NEGR1: variants seen among roughly 807,000 people sequenced by gnomAD.
NEGR1 encodes the protein neuronal growth regulator 1.
In NEGR1, 10 loss-of-function variants were observed where a neutral mutation model predicts 40.9. The observed-to-expected ratio is 0.24, with a 90% confidence interval of 0.15 to 0.42. The LOEUF (loss-of-function observed/expected upper bound fraction) is 0.42, where lower values mean the gene tolerates loss of function less well. NEGR1 is among the 10% of genes least tolerant of loss of function. The probability of loss-of-function intolerance (pLI) is 1.00; values close to 1 mark genes in which losing one functional copy is unlikely to be tolerated. For missense variants in NEGR1, 352 were observed against 438.9 expected, an observed-to-expected ratio of 0.80 and a Z score of 1.77; for synonymous variants, 185 against 166.8, an observed-to-expected ratio of 1.11 and a Z score of -0.84.
chr1:71,883,061 C>T (rs1053065238), intron 2 of NEGR1, among the ~76,000 whole-genome samples: 5 of 152,134 alleles, frequency 3.3e-5, no homozygotes, highest in African/African-American at 1.2e-4. Context: ...ATAATTTCCA[C>T]TTTATTGCTG....
intron 3 of NEGR1, among the ~76,000 whole-genome samples, chr1:71,727,978 T>TTTGGCGCAACAAAG (rs1170064145): frequency 2.0e-5 from 3 of 152,090 alleles, no homozygotes; most frequent in African/African-American, 4.8e-5. Flanking sequence ...GGCAACAAAG[T>TTTGGCGCAACAAAG]TTGGCATAAC....
At chr1:72,232,597 C>T (rs879153550) in intron 1 of NEGR1, among the ~76,000 whole-genome samples, 4 of 151,958 alleles carry the variant, frequency 2.6e-5, no homozygotes, top group Non-Finnish European at 5.9e-5. Context: ...ACAGGTTAAG[C>T]AATATTTTTT....
intron 6 of NEGR1, among the ~76,000 whole-genome samples, chr1:71,431,544 ATCC>A (rs1174593158): frequency 2.5e-4 from 25 of 99,086 alleles, no homozygotes; most frequent in Non-Finnish European, 9.9e-5. Context: ...TCATCCATCC[ATCC>A]ATCCATCCAT....
intron 4 of NEGR1, among the ~76,000 whole-genome samples, chr1:71,657,611 A>G (rs1377271427): frequency 6.6e-6 from 1 of 152,202 alleles, no homozygotes; most frequent in African/African-American, 2.4e-5. Context: ...GCAAGGAAAC[A>G]TTGGGGTCTG....
intron 1 of NEGR1, among the ~76,000 whole-genome samples, chr1:72,166,797 C>T (rs1353766688): frequency 6.6e-6 from 1 of 151,944 alleles, no homozygotes; most frequent in Admixed American, 6.6e-5. Flanking sequence ...AGCTTGACTG[C>T]ATTATTTTAA....
intron 3 of NEGR1, among the ~76,000 whole-genome samples, chr1:71,739,593 C>A (rs924375670): frequency 6.6e-6 from 1 of 151,706 alleles, no homozygotes; most frequent in South Asian, 2.1e-4. Context: ...CCTATTCTAT[C>A]TGTGTGCAAT....
intron 1 of NEGR1, among the ~76,000 whole-genome samples, chr1:71,980,142 G>A (rs1249544110): frequency 6.6e-6 from 1 of 152,088 alleles, no homozygotes; most frequent in Non-Finnish European, 1.5e-5. Flanking sequence ...GACAGAAATA[G>A]CCACAAGAGT....
At chr1:71,837,259 A>C (rs1407427223) in intron 2 of NEGR1, among the ~76,000 whole-genome samples, 2 of 152,082 alleles carry the variant, frequency 1.3e-5, no homozygotes, top group African/African-American at 4.8e-5. Context: ...GCCTGACACT[A>C]TTCTAGGCAT....
chr1:71,401,567 T>A lies in NEGR1; in HGVS notation c.*5879A>T, dbSNP rs1048630408. 1.3e-5 allele frequency: 2 copies of A among 152,248 alleles called. No homozygotes were observed. The highest frequency in any genetic ancestry group is 2.9e-5 in the Non-Finnish European group (2 of 68,046). 9.4% of individuals were successfully genotyped at this position (152,248 alleles called of 1,614,324 possible). ...ATTTCTAGAATTAGAATCTTTCTCTTGTTCTACTGTCCCAGCACAAACAGA... is the reference window on the plus strand; with the variant it reads ...ATTTCTAGAATTAGAATCTTTCTCTAGTTCTACTGTCCCAGCACAAACAGA... On this transcript the variant is annotated 3_prime_UTR_variant, in exon 7 of 7. Coordinates refer to ENST00000357731, the MANE Select transcript of NEGR1 (RefSeq NM_173808.3).
intron 6 of NEGR1, among the ~76,000 whole-genome samples, chr1:71,555,281 T>G (rs1054166164): frequency 9.2e-5 from 14 of 151,484 alleles, no homozygotes; most frequent in African/African-American, 3.1e-4. Flanking sequence ...TGGTAGTAGA[T>G]GCTTGGAGGT....
At chr1:71,634,808 G>C (rs373347228) in intron 4 of NEGR1, among the ~76,000 whole-genome samples, 1 of 151,976 alleles carries the variant, frequency 6.6e-6, no homozygotes, top group African/African-American at 2.4e-5. Flanking sequence ...TTCATAGAAG[G>C]GTCTTAGATA....
chr1:71,897,450 A>G (rs1229673190), intron 2 of NEGR1, among the ~76,000 whole-genome samples: 1 of 152,200 alleles, frequency 6.6e-6, no homozygotes, highest in Admixed American at 6.5e-5. Context: ...GCAAAAGGAG[A>G]AGTGTGAAAT....
chr1:71,983,284 A>C (rs1436787118), intron 1 of NEGR1, among the ~76,000 whole-genome samples: 1 of 152,154 alleles, frequency 6.6e-6, no homozygotes. Context: ...CAAATATAGC[A>C]TTTTAACTTC....
intron 2 of NEGR1, among the ~76,000 whole-genome samples, chr1:71,796,561 T>C (rs1206196777): frequency 6.6e-6 from 1 of 152,106 alleles, no homozygotes; most frequent in East Asian, 1.9e-4. Flanking sequence ...CCAAGGTTTT[T>C]TGTTTTGTTT....
At chr1:71,807,868 A>AAC (rs2101757540) in intron 2 of NEGR1, among the ~76,000 whole-genome samples, 1 of 152,188 alleles carries the variant, frequency 6.6e-6, no homozygotes, top group African/African-American at 2.4e-5. Flanking sequence ...TTTTTTATTT[A>AAC]CTTCTGTTTT....
intron 1 of NEGR1, among the ~76,000 whole-genome samples, chr1:72,258,477 C>G (rs1238433712): frequency 6.6e-6 from 1 of 151,826 alleles, no homozygotes; most frequent in Admixed American, 6.6e-5. Context: ...TTATCGCTGA[C>G]TTAGAGTGAA....
At chr1:71,559,449 C>G (rs2101478515) in intron 6 of NEGR1, among the ~76,000 whole-genome samples, 1 of 151,624 alleles carries the variant, frequency 6.6e-6, no homozygotes, top group Admixed American at 6.6e-5. Context: ...TTCTCAGAGT[C>G]TGCATTCCAT....
At chr1:71,541,426 A>G (rs979720978) in intron 6 of NEGR1, among the ~76,000 whole-genome samples, 1 of 151,742 alleles carries the variant, frequency 6.6e-6, no homozygotes, top group African/African-American at 2.4e-5. Flanking sequence ...CAAGTAATGA[A>G]AAGGCAGCTT....
intron 2 of NEGR1, among the ~76,000 whole-genome samples, chr1:71,907,503 A>G (rs1297888513): frequency 1.3e-5 from 2 of 152,164 alleles, no homozygotes; most frequent in African/African-American, 4.8e-5. Flanking sequence ...AAAAGTGAAA[A>G]AACAACAGAG....
Sources: gnomAD v4.1 joint callset for allele counts (sites outside exome capture counted in the v4.1 genomes callset) on GRCh38, gnomAD v4.1.1 for gene constraint, MANE v1.5 for transcripts, NCBI Gene and HGNC (gene_info 2026-07-23, HGNC 2026-07-21) for gene names.